TBC1D9: variants seen among roughly 807,000 people sequenced by gnomAD.
TBC1D9 encodes TBC1 domain family member 9A.
TBC1D9 carries 63 observed loss-of-function variants against 132.0 expected under a neutral mutation model. The ratio of observed to expected loss-of-function variants is 0.48; its 90% CI spans 0.39 to 0.59. The LOEUF (loss-of-function observed/expected upper bound fraction) is 0.59, where lower values mean the gene tolerates loss of function less well. TBC1D9 is among the 20% of genes least tolerant of loss of function. The pLI, the probability that TBC1D9 is intolerant of heterozygous loss-of-function variation, is 0.00. For missense variants in TBC1D9, 1,261 were observed against 1,592.7 expected (o/e 0.79, Z 3.54); for synonymous variants, 610 against 609.9 (o/e 1.00, Z 0.00).
At position 140,679,811 on chromosome 4, in the gene TBC1D9, A is replaced by C; in HGVS notation, c.393T>G (p.Asp131Glu). The C allele has an allele frequency of 6.2e-7, 1 of 1,613,544 alleles. No homozygotes were observed. Among genetic ancestry groups the C allele is most frequent in the Non-Finnish European group, 8.5e-7 (1 of 1,179,744 alleles). ...GIIAEYNKINDVKEDDDTEKF... is the reference protein window; with the variant it reads ...GIIAEYNKINEVKEDDDTEKF... ...TCTCCGTGTCATCATCTTCCTTTAC[A>C]TCATTGATTTTGTTGTATTCTGCAA... The change falls in exon 4 of 21, where the codon GAT becomes GAG. Residue 131 changes from aspartate (D) to glutamate (E), a missense_variant. Transcript: ENST00000442267.
At chr4:140,694,081 T>C (rs1044400169) in intron 2 of TBC1D9, among the ~76,000 whole-genome samples, 1 of 152,238 alleles carries the variant, frequency 6.6e-6, no homozygotes, top group African/African-American at 2.4e-5. Context: ...TAATTATATG[T>C]ATATTCTTTG....
chr4:140,655,009 A>G (rs1031034136), intron 13 of TBC1D9, among the ~76,000 whole-genome samples: 3 of 152,128 alleles, frequency 2.0e-5, no homozygotes, highest in Non-Finnish European at 2.9e-5. Flanking sequence ...TTAAAGCAGA[A>G]TACAATTTAG....
chr4:140,657,890 G>T, intron 11 of TBC1D9, 78 bp from the exon 12 acceptor site: 1 of 1,476,218 alleles, frequency 6.8e-7, no homozygotes, highest in South Asian at 1.3e-5. Flanking sequence ...CAAACAACTT[G>T]ACTGCTAGCA....
At chr4:140,678,432 C>T (rs2111017355) in intron 5 of TBC1D9, among the ~76,000 whole-genome samples, 1 of 152,352 alleles carries the variant, frequency 6.6e-6, no homozygotes, top group East Asian at 1.9e-4. Context: ...GCTCTGCTCT[C>T]ACATTCAGAC....
At chr4:140,674,932 C>T (rs1737599432) in intron 6 of TBC1D9, among the ~76,000 whole-genome samples, 1 of 152,030 alleles carries the variant, frequency 6.6e-6, no homozygotes, top group Admixed American at 6.6e-5. Flanking sequence ...GGTCTTTGAA[C>T]TCCTGGCCTC....
chr4:140,698,664 C>T (rs557294031), intron 2 of TBC1D9, among the ~76,000 whole-genome samples: 5 of 148,938 alleles, frequency 3.4e-5, no homozygotes, highest in Admixed American at 6.9e-5. Flanking sequence ...CTTGAGCCTA[C>T]GAGGCAGATG....
At chr4:140,629,342 T>C (rs764980513) in intron 16 of TBC1D9, among the ~76,000 whole-genome samples, 6 of 152,262 alleles carry the variant, frequency 3.9e-5, no homozygotes, top group African/African-American at 1.4e-4. Context: ...TATGTTCATA[T>C]GTTACTTTGG....
intron 1 of TBC1D9, among the ~76,000 whole-genome samples, chr4:140,719,957 G>A (rs1358634635): frequency 4.6e-5 from 7 of 152,126 alleles, no homozygotes; most frequent in African/African-American, 1.4e-4. Flanking sequence ...ATGACCTTGG[G>A]GCAAGCTATA....
chr4:140,642,242 T>G, intron 13 of TBC1D9: 1 of 719,438 alleles, frequency 1.4e-6, no homozygotes, highest in Non-Finnish European at 2.5e-6. Flanking sequence ...CGTCTTCCTC[T>G]GAGTCTGTAT....
rs138819316 is a variant in TBC1D9 at position 140,729,131 on chromosome 4, C to A, written c.130+26785G>T. 8.5e-3 allele frequency among the ~76,000 whole-genome samples: 1,292 copies of A among 152,232 alleles called. 22 individuals are homozygous for A. The highest frequency in any genetic ancestry group is 0.029 in the African/African-American group (1,207 of 41,536). On this transcript the variant is annotated intron_variant, in intron 1 of 20. Coordinates refer to ENST00000442267, the MANE Select transcript of TBC1D9 (RefSeq NM_015130.3). ...CCTCTGTCATGCAGTCCTCATTTGC[C>A]ACAGCCATTAATTGGTTACCCTCTC...
At chr4:140,642,421 T>C in intron 13 of TBC1D9, 1 of 883,632 alleles carries the variant, frequency 1.1e-6, no homozygotes, top group Non-Finnish European at 1.9e-6. Context: ...CACCTTCCTG[T>C]CCTTGCCCAG....
chr4:140,635,412 G>C (rs1035868415), intron 15 of TBC1D9, among the ~76,000 whole-genome samples: 1 of 152,146 alleles, frequency 6.6e-6, no homozygotes, highest in African/African-American at 2.4e-5. Flanking sequence ...AGCCCAGGAG[G>C]TCAAGTCTGC....
At chr4:140,662,269 C>G (rs1392687785) in intron 9 of TBC1D9, among the ~76,000 whole-genome samples, 162 bp from the exon 10 acceptor site, 4 of 152,194 alleles carry the variant, frequency 2.6e-5, no homozygotes, top group African/African-American at 9.7e-5. Context: ...CGTGGCTAGA[C>G]TGGTGAATTT....
intron 9 of TBC1D9, 48 bp from the exon 10 acceptor site, chr4:140,662,155 C>T: frequency 6.6e-7 from 1 of 1,508,090 alleles, no homozygotes; most frequent in Non-Finnish European, 9.2e-7. Flanking sequence ...AGAGCTCTGC[C>T]TTTTGGTTTG....
intron 1 of TBC1D9, among the ~76,000 whole-genome samples, chr4:140,707,166 A>G (rs1738162021): frequency 6.6e-6 from 1 of 152,042 alleles, no homozygotes; most frequent in Admixed American, 6.6e-5. Flanking sequence ...AGAGTGAGAA[A>G]TGGTACCTGT....
chr4:140,679,764 T>G lies in TBC1D9; in HGVS notation c.440A>C (p.Lys147Thr). 6.2e-7 allele frequency: 1 copy of G among 1,613,870 alleles called. No homozygotes were observed. Among genetic ancestry groups the G allele is most frequent in the South Asian group, 1.1e-5 (1 of 91,074 alleles). Residue 147 changes from lysine (K) to threonine (T), a missense_variant, in exon 4 of 21, where the codon AAA becomes ACA. By Grantham distance (78) the Lys-to-Thr change is moderately conservative. Around this residue, in one of 3 missense-constraint regions of TBC1D9, gnomAD observed 550 missense variants for 699.0 expected, o/e 0.79. Transcript: ENST00000442267. The stretch of plus-strand genomic sequence containing the variant: ...TGGCATCCCAAACAGCCTATGAAAT[T>G]TCACAATGGCTTCTTTAAACTTCTC... ...DTEKFKEAIVKFHRLFGMPEE... is the reference protein window; with the variant it reads ...DTEKFKEAIVTFHRLFGMPEE...
At chr4:140,654,313 T>C (rs972909248) in intron 13 of TBC1D9, among the ~76,000 whole-genome samples, 2 of 151,814 alleles carry the variant, frequency 1.3e-5, no homozygotes, top group Non-Finnish European at 2.9e-5. Context: ...TAAAAGAAAG[T>C]AGAGAGAAAG....
chr4:140,662,882 T>C (rs1047212225), intron 9 of TBC1D9, among the ~76,000 whole-genome samples: 2 of 152,218 alleles, frequency 1.3e-5, no homozygotes, highest in Non-Finnish European at 2.9e-5. Context: ...GAACTCTTTT[T>C]TTATACCATG....
intron 6 of TBC1D9, among the ~76,000 whole-genome samples, chr4:140,674,727 C>T (rs1434825995): frequency 1.3e-5 from 2 of 151,042 alleles, no homozygotes; most frequent in Non-Finnish European, 2.9e-5. Flanking sequence ...GAGATAAGGT[C>T]TTGCTCTGTC....
Sources: gnomAD v4.1 joint callset for allele counts (sites outside exome capture counted in the v4.1 genomes callset) on GRCh38, gnomAD v4.1.1 for gene constraint, gnomAD v4.1.1 regional missense constraint, MANE v1.5 for transcripts, NCBI Gene and HGNC (gene_info 2026-07-23, HGNC 2026-07-21) for gene names.